Variants in SLC35F4 observed in about 807,000 individuals in gnomAD.
The protein encoded by SLC35F4 is solute carrier family 35 member F4, also known as chromosome 14 open reading frame 36.
Under a neutral mutation model 44.2 loss-of-function variants are expected in SLC35F4, and 24 were observed. The observed-to-expected ratio is 0.54, with a 90% CI of 0.39 to 0.76. The LOEUF is 0.76. Ranked by LOEUF, SLC35F4 falls within the 30% of genes least tolerant of loss-of-function variation. The pLI is 0.00. For synonymous variants in SLC35F4, 238 were observed against 223.6 expected, an observed-to-expected ratio of 1.06 and a Z score of -0.57; for missense variants, 562 against 586.1, an observed-to-expected ratio of 0.96 and a Z score of 0.42.
chr14:57,790,232 A>G (rs1285523726), intron 1 of SLC35F4, among the ~76,000 whole-genome samples: 1 of 152,216 alleles, frequency 6.6e-6, no homozygotes, highest in Non-Finnish European at 1.5e-5. Flanking sequence ...ATGATAGTAT[A>G]TTTAGAAAAT....
rs375967418 is a variant in SLC35F4, at chr14:57,673,816, T to C, written c.104-79692A>G. On this transcript the variant is annotated intron_variant, in intron 1 of 7. Transcript: ENST00000556826. ...TAACCATAAACAAAAAATTGATAAT[T>C]AGATTTCACCAAAATTAAGAACTTC... Among the ~76,000 whole-genome samples the C allele has an allele frequency of 1.5e-4, 23 of 152,144 alleles. No homozygotes were observed. In the East Asian group the frequency reaches 2.3e-3, roughly 15 times the overall value.
At chr14:57,574,577 A>G (rs1379692438) in intron 4 of SLC35F4, among the ~76,000 whole-genome samples, 1 of 152,202 alleles carries the variant, frequency 6.6e-6, no homozygotes, top group Admixed American at 6.5e-5. Flanking sequence ...GGGAATAGAT[A>G]AATTATTTGC....
chr14:57,744,019 T>C (rs1175938268), intron 1 of SLC35F4, among the ~76,000 whole-genome samples: 1 of 152,166 alleles, frequency 6.6e-6, no homozygotes, highest in Non-Finnish European at 1.5e-5. Context: ...TCAACAAAAA[T>C]TCAACAGCTC....
At chr14:57,759,616 A>G (rs1360377069) in intron 1 of SLC35F4, among the ~76,000 whole-genome samples, 1 of 152,182 alleles carries the variant, frequency 6.6e-6, no homozygotes, top group Non-Finnish European at 1.5e-5. Context: ...ACTCTTTTAC[A>G]TAGTGGTTAC....
downstream of SLC35F4, among the ~76,000 whole-genome samples, chr14:57,973,169 C>G (rs139070156): frequency 6.6e-6 from 1 of 152,312 alleles, no homozygotes; most frequent in Non-Finnish European, 1.5e-5. Context: ...CCCACAGCTT[C>G]TATTCTGCCC....
At chr14:57,746,788 T>G (rs1448941255) in intron 1 of SLC35F4, among the ~76,000 whole-genome samples, 2 of 152,192 alleles carry the variant, frequency 1.3e-5, no homozygotes, top group Non-Finnish European at 2.9e-5. Flanking sequence ...GTAGCTATTC[T>G]GCAAGCTACC....
chr14:57,750,976 C>G (rs1188335658), intron 1 of SLC35F4, among the ~76,000 whole-genome samples: 1 of 152,164 alleles, frequency 6.6e-6, no homozygotes, highest in African/African-American at 2.4e-5. Flanking sequence ...CCTTGTCTCA[C>G]CCGCCCAGTC....
At position 57,695,627 on chromosome 14, in the gene SLC35F4, T is replaced by C. The variant is rs538894415; in HGVS notation, c.104-101503A>G. 4.6e-3 allele frequency among the ~76,000 whole-genome samples: 705 copies of C among 152,056 alleles called. 5 individuals carry two copies. Among genetic ancestry groups the C allele is most frequent in the Non-Finnish European group, 5.3e-3 (357 of 67,976 alleles). ...AGTCAGTGTGGCGATTCCTCAGGGATCTAGAACTAGAAATACCATTTGACC... is the reference window on the plus strand; with the variant it reads ...AGTCAGTGTGGCGATTCCTCAGGGACCTAGAACTAGAAATACCATTTGACC... On this transcript the variant is annotated intron_variant, in intron 1 of 7. Transcript: ENST00000556826.
At chr14:57,964,248 C>T (rs1406722567) in intron 1 of SLC35F4, among the ~76,000 whole-genome samples, 2 of 152,066 alleles carry the variant, frequency 1.3e-5, no homozygotes, top group African/African-American at 4.8e-5. Flanking sequence ...GGGGAAGGAT[C>T]ACCCACTTGT....
At chr14:57,705,488 C>G (rs958715953) in intron 1 of SLC35F4, among the ~76,000 whole-genome samples, 4 of 152,168 alleles carry the variant, frequency 2.6e-5, no homozygotes, top group African/African-American at 9.7e-5. Context: ...TCCATTGACT[C>G]TTATGATATG....
chr14:57,887,727 A>C (rs1369540967), intron 1 of SLC35F4, among the ~76,000 whole-genome samples: 1 of 152,162 alleles, frequency 6.6e-6, no homozygotes, highest in Non-Finnish European at 1.5e-5. Flanking sequence ...GTCAGAGGCA[A>C]GGTAAGGATT....
At chr14:57,777,838 G>A (rs1380880617) in intron 1 of SLC35F4, among the ~76,000 whole-genome samples, 1 of 150,368 alleles carries the variant, frequency 6.7e-6, no homozygotes, top group Non-Finnish European at 1.5e-5. Context: ...AAGACCCAAT[G>A]GTATGCCATC....
In SLC35F4 at chr14:57,865,918, G is replaced by A. The variant is rs1264293387; in HGVS notation, c.-93C>T. The A allele has an allele frequency of 3.7e-6, 3 of 808,412 alleles. No individual in the cohort carries two copies. The highest frequency in any genetic ancestry group is 3.7e-5 in the African/African-American group (2 of 54,052). The allele number at this position is 808,412 out of a possible 1,614,324, so 50.1% of individuals were successfully genotyped here. A position where few individuals can be genotyped will look rare whatever the true frequency, so the allele number is the denominator to read the frequency against. Reference sequence around the variant, plus strand: ...TGCAGGTGCCGGAGCCGCTGGTGCTGATCTTGCAGCTCCTGCTCCCGCGCC... The same window carrying A: ...TGCAGGTGCCGGAGCCGCTGGTGCTAATCTTGCAGCTCCTGCTCCCGCGCC... On this transcript the variant is annotated 5_prime_UTR_variant, in exon 1 of 8. Transcript: ENST00000556826.
intron 1 of SLC35F4, among the ~76,000 whole-genome samples, chr14:57,876,383 C>A (rs1888399862): frequency 6.6e-6 from 1 of 152,098 alleles, no homozygotes; most frequent in Non-Finnish European, 1.5e-5. Flanking sequence ...ATGAATAAAT[C>A]TTTTAAATTC....
intron 1 of SLC35F4, among the ~76,000 whole-genome samples, chr14:57,788,251 C>T (rs1386656316): frequency 6.6e-6 from 1 of 152,040 alleles, no homozygotes; most frequent in East Asian, 1.9e-4. Context: ...AACACTGGAG[C>T]TCCCAAATTT....
At chr14:57,566,406 G>GA (rs112443725) in intron 7 of SLC35F4, 69 bp downstream of exon 7, 9 of 1,434,884 alleles carry the variant, frequency 6.3e-6, no homozygotes, top group African/African-American at 4.2e-5. Flanking sequence ...AACAACTCAG[G>GA]ACACAGAACA....
At chr14:57,626,381 A>G (rs2072475728) in intron 1 of SLC35F4, among the ~76,000 whole-genome samples, 1 of 150,324 alleles carries the variant, frequency 6.7e-6, no homozygotes, top group African/African-American at 2.4e-5. Context: ...GGCAAAAAAA[A>G]AAAATTCAGT....
chr14:57,608,796 GC>G (rs2071320196), intron 1 of SLC35F4, among the ~76,000 whole-genome samples: 103 of 18,296 alleles, frequency 5.6e-3, no homozygotes, highest in Admixed American at 0.012. Flanking sequence ...CCGGGGGGGG[GC>G]GGCGGGGGGA....
intron 1 of SLC35F4, among the ~76,000 whole-genome samples, chr14:57,855,179 T>C (rs1886963313): frequency 2.0e-5 from 3 of 152,148 alleles, no homozygotes; most frequent in African/African-American, 7.2e-5. Context: ...CTATTATCAT[T>C]CCCATTTTAT....
Sources: gnomAD v4.1 joint callset for allele counts (sites outside exome capture counted in the v4.1 genomes callset) on GRCh38, gnomAD v4.1.1 for gene constraint, MANE v1.5 for transcripts, NCBI Gene and HGNC (gene_info 2026-07-23, HGNC 2026-07-21) for gene names.